Variants in CCDC192 observed in about 807,000 individuals in gnomAD.
The protein encoded by CCDC192 is coiled-coil domain-containing protein 192.
At chr5:127,826,379 T>C (rs2110358) in intron 5 of CCDC192, among the ~76,000 whole-genome samples, 65,333 of 151,600 alleles carry the variant, frequency 0.43, 14,166 homozygotes, top group African/African-American at 0.49. Context: ...GTTTGGAGAT[T>C]TCTCAAAGAA....
In CCDC192 at chr5:127,895,128, T is replaced by C. The variant is rs573501437; in HGVS notation, c.535+19467T>C. On this transcript the variant is annotated intron_variant, in intron 6 of 6. Coordinates refer to ENST00000514853, the MANE Select transcript of CCDC192 (RefSeq NM_001317938.2). The stretch of plus-strand genomic sequence containing the variant: ...TATTAAGCCCAGCATCCATTAGCTA[T>C]TCTTCCTGATGGTCTCCCTCCCCCA... Among the ~76,000 whole-genome samples, 18 of 152,326 alleles carry C rather than the reference T, an allele frequency of 1.2e-4. 1 individual carries two copies. In the South Asian group the frequency reaches 3.3e-3, roughly 28 times the overall value.
At chr5:127,917,839 G>A (rs556865896) in intron 6 of CCDC192, among the ~76,000 whole-genome samples, 2 of 152,106 alleles carry the variant, frequency 1.3e-5, no homozygotes, top group East Asian at 1.9e-4. Flanking sequence ...AGCACGTGCT[G>A]TTGAAAAAAT....
chr5:127,842,795 G>A (rs1171781220), intron 5 of CCDC192, among the ~76,000 whole-genome samples: 1 of 152,130 alleles, frequency 6.6e-6, no homozygotes, highest in East Asian at 1.9e-4. Context: ...GAGCTATGAT[G>A]TCTTAGATGC....
At position 127,719,528 on chromosome 5, in the gene CCDC192, C is replaced by CACATACAT. The variant is rs1208126299; in HGVS notation, c.114+11770_114+11777dup. Among the ~76,000 whole-genome samples the CACATACAT allele has an allele frequency of 1.4e-3, 74 of 51,540 alleles. 2 individuals carry two copies. The highest frequency in any genetic ancestry group is 3.0e-3 in the African/African-American group (34 of 11,446). 33.8% of individuals were successfully genotyped at this position (51,540 alleles called of 152,430 possible). A position where few individuals can be genotyped will look rare whatever the true frequency, so the allele number is the denominator to read the frequency against. Reference sequence around the variant, plus strand: ...ATACATATATATATATATATATACACACATACATATATATATATATATATA... The same window carrying CACATACAT: ...ATACATATATATATATATATATACACACATACATACATACATATATATATATATATATA... On this transcript the variant is annotated intron_variant, in intron 2 of 6. Coordinates refer to ENST00000514853, the MANE Select transcript of CCDC192 (RefSeq NM_001317938.2).
chr5:127,766,187 T>G (rs1304233415), intron 3 of CCDC192, among the ~76,000 whole-genome samples: 1 of 152,146 alleles, frequency 6.6e-6, no homozygotes, highest in Non-Finnish European at 1.5e-5. Context: ...TGGTTTTGCC[T>G]AAGATGGAGA....
chr5:127,845,673 T>C (rs1158271290), intron 5 of CCDC192, among the ~76,000 whole-genome samples: 1 of 152,188 alleles, frequency 6.6e-6, no homozygotes, highest in Non-Finnish European at 1.5e-5. Flanking sequence ...GAAGATTCTA[T>C]TGCGAGCAAG....
At chr5:127,731,320 A>T (rs1413112934) in intron 2 of CCDC192, among the ~76,000 whole-genome samples, 2 of 152,216 alleles carry the variant, frequency 1.3e-5, no homozygotes, top group African/African-American at 4.8e-5. Context: ...GGAGTGAAGG[A>T]TCTCTTCAAG....
intron 5 of CCDC192, among the ~76,000 whole-genome samples, chr5:127,841,555 A>T (rs1750287128): frequency 6.6e-6 from 1 of 152,184 alleles, no homozygotes; most frequent in Non-Finnish European, 1.5e-5. Context: ...TACTAGAATG[A>T]AAGAGGCTTC....
chr5:127,868,094 A>G lies in CCDC192; in HGVS notation c.412-7444A>G, dbSNP rs143085727. On this transcript the variant is annotated intron_variant, in intron 5 of 6. Transcript: ENST00000514853. The stretch of plus-strand genomic sequence containing the variant: ...CCTGGACGTTTCTCCCTGTCTATGT[A>G]TACTACATAAAGGGGCCAGAGCCCA... Among the ~76,000 whole-genome samples, 661 of 147,420 alleles carry G rather than the reference A, an allele frequency of 4.5e-3. 2 individuals are homozygous for G. Among genetic ancestry groups the G allele is most frequent in the African/African-American group, 0.016 (620 of 39,946 alleles).
intron 5 of CCDC192, among the ~76,000 whole-genome samples, chr5:127,868,109 G>A (rs73785704): frequency 6.6e-6 from 1 of 151,740 alleles, no homozygotes; most frequent in East Asian, 1.9e-4. Context: ...ACATAAAGGG[G>A]CCAGAGCCCA....
intron 1 of CCDC192, among the ~76,000 whole-genome samples, chr5:127,707,197 G>A (rs1229708941): frequency 2.6e-5 from 4 of 152,146 alleles, no homozygotes. Flanking sequence ...TCGTTTTGCT[G>A]TAACCTGAAT....
intron 3 of CCDC192, among the ~76,000 whole-genome samples, chr5:127,760,642 T>G (rs1257985110): frequency 7.8e-6 from 1 of 128,536 alleles, no homozygotes; most frequent in African/African-American, 3.0e-5. Context: ...CCGGGCATGG[T>G]GGCAGGCTGA....
At chr5:127,927,989 C>G (rs6864814) in intron 6 of CCDC192, among the ~76,000 whole-genome samples, 48,043 of 145,648 alleles carry the variant, frequency 0.33, 8,842 homozygotes, top group African/African-American at 0.49. Flanking sequence ...GTGAAGTGGC[C>G]CAATCTTGGC....
intron 2 of CCDC192, among the ~76,000 whole-genome samples, chr5:127,741,446 G>A (rs1389165249): frequency 1.3e-5 from 2 of 152,164 alleles, no homozygotes; most frequent in African/African-American, 2.4e-5. Flanking sequence ...TGGGCTACAT[G>A]AATGATATTG....
At chr5:127,872,082 T>C (rs1485116353) in intron 5 of CCDC192, among the ~76,000 whole-genome samples, 1 of 152,128 alleles carries the variant, frequency 6.6e-6, no homozygotes, top group Non-Finnish European at 1.5e-5. Flanking sequence ...TGTTGGCAAA[T>C]TGAATTGTTT....
intron 6 of CCDC192, among the ~76,000 whole-genome samples, chr5:127,937,166 T>A (rs752848330): frequency 1.4e-4 from 22 of 152,240 alleles, no homozygotes; most frequent in Admixed American, 1.3e-4. Context: ...AGAATTTTTT[T>A]AATTTTAGTA....
intron 6 of CCDC192, among the ~76,000 whole-genome samples, chr5:127,921,370 T>G (rs1385325449): frequency 6.6e-6 from 1 of 152,102 alleles, no homozygotes; most frequent in African/African-American, 2.4e-5. Flanking sequence ...ATCCACCTAC[T>G]AAAGAAGTCA....
chr5:127,705,755 A>C (rs1750922377), intron 1 of CCDC192, among the ~76,000 whole-genome samples: 1 of 152,110 alleles, frequency 6.6e-6, no homozygotes, highest in Non-Finnish European at 1.5e-5. Flanking sequence ...GAAACAACTA[A>C]GAAGAGGATA....
chr5:127,825,161 A>G (rs1304315800), intron 5 of CCDC192, among the ~76,000 whole-genome samples: 3 of 152,254 alleles, frequency 2.0e-5, no homozygotes, highest in Non-Finnish European at 2.9e-5. Context: ...AAGGTTTGAG[A>G]ATAGCATTTA....
Sources: allele counts gnomAD v4.1 joint callset (sites outside exome capture counted in the v4.1 genomes callset), GRCh38; gene constraint gnomAD v4.1.1; transcripts MANE v1.5; gene names NCBI Gene and HGNC (gene_info 2026-07-23, HGNC 2026-07-21).